The following SPIDR variants were observed in gnomAD, a reference collection of about 807,000 sequenced individuals.
SPIDR encodes DNA repair-scaffolding protein.
Under a neutral mutation model 104.6 loss-of-function variants are expected in SPIDR, and 93 were observed. The ratio of observed to expected loss-of-function variants is 0.89; its 90% confidence interval spans 0.75 to 1.06. The LOEUF (loss-of-function observed/expected upper bound fraction) is 1.06. Ranked by LOEUF, SPIDR falls within the 50% of genes least tolerant of loss-of-function variation. SPIDR has a pLI of 0.00. For missense variants in SPIDR, 1,154 were observed against 1,111.2 expected, an observed-to-expected ratio of 1.04 and a Z score of -0.55; for synonymous variants, 431 against 416.9, an observed-to-expected ratio of 1.03 and a Z score of -0.41.
At chr8:47,598,827 C>G (rs1425428652) in intron 9 of SPIDR, 119 bp from the exon 10 acceptor site, 2 of 1,273,292 alleles carry the variant, frequency 1.6e-6, no homozygotes, top group Non-Finnish European at 1.1e-6. Context: ...CAGTGTAGTG[C>G]AGATCCATTG....
intron 8 of SPIDR, among the ~76,000 whole-genome samples, chr8:47,572,637 T>TG (rs2058657373): frequency 6.6e-6 from 1 of 151,174 alleles, no homozygotes; most frequent in African/African-American, 2.4e-5. Flanking sequence ...CACTCCTGCC[T>TG]GGCGACAGAG....
At chr8:47,333,722 A>G (rs1367870649) in intron 5 of SPIDR, among the ~76,000 whole-genome samples, 1 of 152,274 alleles carries the variant, frequency 6.6e-6, no homozygotes, top group Non-Finnish European at 1.5e-5. Flanking sequence ...AGCTGGCAGC[A>G]TACAGTAAGT....
intron 11 of SPIDR, among the ~76,000 whole-genome samples, chr8:47,691,774 A>T (rs2078689821): frequency 6.6e-6 from 1 of 152,216 alleles, no homozygotes; most frequent in Admixed American, 6.5e-5. Flanking sequence ...CCTGTGGCTT[A>T]GCAGGACCGA....
chr8:47,563,042 T>G (rs1013931837), intron 8 of SPIDR, among the ~76,000 whole-genome samples: 6 of 151,858 alleles, frequency 4.0e-5, no homozygotes, highest in African/African-American at 1.4e-4. Context: ...TTTCTCTTTT[T>G]TTTTTTTTTT....
chr8:47,648,606 A>G (rs968711816), intron 10 of SPIDR, among the ~76,000 whole-genome samples: 5 of 152,238 alleles, frequency 3.3e-5, no homozygotes, highest in African/African-American at 1.2e-4. Context: ...CTAGTGCCAG[A>G]TAGTAGCTTC....
intron 16 of SPIDR, 148 bp downstream of exon 16, chr8:47,713,789 C>G: frequency 1.8e-6 from 2 of 1,111,438 alleles, no homozygotes; most frequent in East Asian, 2.6e-5. Flanking sequence ...AGAAATTGTT[C>G]TTGGTATCAG....
intron 5 of SPIDR, among the ~76,000 whole-genome samples, chr8:47,372,596 A>G (rs1554639690): frequency 6.6e-6 from 1 of 152,218 alleles, no homozygotes; most frequent in Non-Finnish European, 1.5e-5. Context: ...ACTGCACTCC[A>G]GCCTGGGTGA....
At chr8:47,342,086 TCTAA>T (rs542850024) in intron 5 of SPIDR, among the ~76,000 whole-genome samples, 2 of 152,310 alleles carry the variant, frequency 1.3e-5, no homozygotes, top group Non-Finnish European at 2.9e-5. Flanking sequence ...GTTAAAGAAG[TCTAA>T]CTATTTGTAC....
In SPIDR at chr8:47,713,650, C is replaced by T; in HGVS notation, c.2341+9C>T. On this transcript the variant is annotated intron_variant, in intron 16 of 19. Coordinates refer to ENST00000297423, the MANE Select transcript of SPIDR (RefSeq NM_001080394.4). ...CATCTGCAGTGTTCAAGGTAGGCAG[C>T]CATCTCACAGGAATTGGTGCTTATA... The T allele has an allele frequency of 6.2e-7, 1 of 1,613,642 alleles. No individual in the cohort carries two copies. The highest frequency in any genetic ancestry group is 8.5e-7 in the Non-Finnish European group (1 of 1,179,744).
chr8:47,624,702 C>T (rs2065751507), intron 10 of SPIDR, among the ~76,000 whole-genome samples: 1 of 152,156 alleles, frequency 6.6e-6, no homozygotes, highest in Non-Finnish European at 1.5e-5. Flanking sequence ...AGTTGAATCT[C>T]TGAATAGACC....
intron 8 of SPIDR, among the ~76,000 whole-genome samples, chr8:47,500,436 GTCT>G (rs2080208843): frequency 6.6e-6 from 1 of 152,172 alleles, no homozygotes; most frequent in East Asian, 1.9e-4. Flanking sequence ...CTGCATAAAT[GTCT>G]TCTTTTGAGA....
At chr8:47,729,126 C>A in intron 18 of SPIDR, 79 bp downstream of exon 18, 1 of 1,568,948 alleles carries the variant, frequency 6.4e-7, no homozygotes, top group Non-Finnish European at 8.6e-7. Context: ...GAAGCAGGTG[C>A]ACGTCCTCCT....
intron 10 of SPIDR, among the ~76,000 whole-genome samples, chr8:47,627,448 C>CA (rs927877382): frequency 1.1e-4 from 16 of 151,428 alleles, no homozygotes; most frequent in African/African-American, 2.4e-4. Flanking sequence ...TCTGATGTCA[C>CA]AAAAAAAATG....
chr8:47,695,577 A>T (rs949099266), intron 11 of SPIDR, among the ~76,000 whole-genome samples: 1 of 152,228 alleles, frequency 6.6e-6, no homozygotes, highest in Non-Finnish European at 1.5e-5. Context: ...AGTTAGTTGG[A>T]TGAGACAGTA....
intron 8 of SPIDR, chr8:47,511,141 G>A (rs2082255632): frequency 2.8e-5 from 44 of 1,543,884 alleles, no homozygotes; most frequent in Non-Finnish European, 3.9e-5. Flanking sequence ...GATAAAGCTG[G>A]TGGCAGCCAT....
chr8:47,465,505 G>C (rs969600046), intron 8 of SPIDR, among the ~76,000 whole-genome samples: 3 of 152,154 alleles, frequency 2.0e-5, no homozygotes, highest in Admixed American at 1.3e-4. Flanking sequence ...GGTCAAGGCG[G>C]GCAGATCATT....
Position 47,735,772 on chromosome 8 carries a change from T to G in SPIDR, c.*322T>G. 1.9e-6 allele frequency: 1 copy of G among 517,836 alleles called. No individual in the cohort carries two copies. 32.1% of individuals were successfully genotyped at this position (517,836 alleles called of 1,614,324 possible). A position where few individuals can be genotyped will look rare whatever the true frequency, so the allele number is the denominator to read the frequency against. On this transcript the variant is annotated 3_prime_UTR_variant, in exon 20 of 20. Transcript: ENST00000297423. ...AAAATTTTTTTTGTTCATTTGTAAT[T>G]TTAACAAGTTGAACATTTTACCATG...
chr8:47,394,968 T>C (rs2061086133), intron 5 of SPIDR, among the ~76,000 whole-genome samples: 1 of 152,196 alleles, frequency 6.6e-6, no homozygotes, highest in South Asian at 2.1e-4. Flanking sequence ...TTACTTTTTC[T>C]TATTTTCAGT....
intron 7 of SPIDR, among the ~76,000 whole-genome samples, chr8:47,411,995 TTCTGTTCCATTGGTCTATATC>T (rs1289951905): frequency 6.6e-6 from 1 of 152,214 alleles, no homozygotes; most frequent in Non-Finnish European, 1.5e-5. Context: ...GAGGCCTCTG[TTCTGTTCCATTGGTCTATATC>T]TCTGTTTTGG....
Sources: gnomAD v4.1 joint callset for allele counts (sites outside exome capture counted in the v4.1 genomes callset) on GRCh38, gnomAD v4.1.1 for gene constraint, MANE v1.5 for transcripts, NCBI Gene and HGNC (gene_info 2026-07-23, HGNC 2026-07-21) for gene names.